RBPJ: variants seen among roughly 807,000 people sequenced by gnomAD.
RBPJ encodes the protein recombining binding protein suppressor of hairless.
A neutral mutation model predicts 67.8 loss-of-function variants in RBPJ; 9 were observed. The ratio of observed to expected loss-of-function variants is 0.13; its 90% CI spans 0.08 to 0.23. RBPJ has a LOEUF of 0.23. RBPJ is among the 10% of genes least tolerant of loss of function. The pLI is 1.00. For synonymous variants in RBPJ, 198 were observed against 203.3 expected (o/e 0.97, Z 0.22); for missense variants, 305 against 595.6 (o/e 0.51, Z 5.08).
intron 2 of RBPJ, among the ~76,000 whole-genome samples, chr4:26,404,564 A>G (rs973041140): frequency 6.6e-5 from 10 of 152,202 alleles, no homozygotes; most frequent in Non-Finnish European, 1.3e-4. Context: ...CCTGACTGCC[A>G]CTGTTCACTA....
chr4:26,415,632 G>A lies in RBPJ; in HGVS notation c.313G>A (p.Glu105Lys), dbSNP rs1387703313. The part of the protein sequence containing the change: ...SDQEMQQLNL[E>K]GKNYCTAKTL... The stretch of plus-strand genomic sequence containing the variant: ...CCAAGAAATGCAGCAGCTAAACTTG[G>A]AAGGAAAGGTAAATCAAGACTGCTA... The change falls in exon 4 of 11, where the codon GAA becomes AAA. Residue 105 changes from glutamate (E) to lysine (K), a missense_variant. This residue lies in a region of RBPJ where 79 missense variants were observed against 106.2 expected (regional missense o/e 0.74). Transcript: ENST00000355476. The A allele has an allele frequency of 6.2e-7, 1 of 1,608,486 alleles. No homozygotes were observed. The highest frequency in any genetic ancestry group is 8.5e-7 in the Non-Finnish European group (1 of 1,178,308).
At chr4:26,263,189 C>G (rs1181514439) in intron 1 of RBPJ, among the ~76,000 whole-genome samples, 1 of 152,160 alleles carries the variant, frequency 6.6e-6, no homozygotes, top group African/African-American at 2.4e-5. Context: ...AACTGCTCAT[C>G]TATTTGGTGT....
chr4:26,301,374 C>T (rs1363910438), intron 1 of RBPJ, among the ~76,000 whole-genome samples: 1 of 152,070 alleles, frequency 6.6e-6, no homozygotes, highest in Admixed American at 6.6e-5. Context: ...GGGCGGATCA[C>T]GAGGTCAGGA....
intron 2 of RBPJ, among the ~76,000 whole-genome samples, chr4:26,400,113 T>C (rs1277750930): frequency 6.6e-6 from 1 of 152,222 alleles, no homozygotes; most frequent in Non-Finnish European, 1.5e-5. Flanking sequence ...CAAGGATTCT[T>C]CAGCACCTGT....
At chr4:26,134,245 C>G in the RBPJ span, among the ~76,000 whole-genome samples, 1 of 152,166 alleles carries the variant, frequency 6.6e-6, no homozygotes, top group Non-Finnish European at 1.5e-5. Context: ...GGATACCAAA[C>G]GCCTTTTCAC....
At chr4:26,375,288 C>CAAAA (rs561305108) in intron 1 of RBPJ, among the ~76,000 whole-genome samples, 1 of 102,916 alleles carries the variant, frequency 9.7e-6, no homozygotes, top group South Asian at 3.2e-4. Context: ...GACCCTGTCT[C>CAAAA]AAAAAAAAAA....
At chr4:26,309,415 G>A (rs1353992817) in intron 1 of RBPJ, among the ~76,000 whole-genome samples, 1 of 152,170 alleles carries the variant, frequency 6.6e-6, no homozygotes, top group Non-Finnish European at 1.5e-5. Context: ...ACATGGGTAT[G>A]GGTAAAATAA....
chr4:26,305,794 T>TTTTTTTTTTTTTTTC (rs1722218683), intron 1 of RBPJ, among the ~76,000 whole-genome samples: 1 of 145,170 alleles, frequency 6.9e-6, no homozygotes, highest in Non-Finnish European at 1.5e-5. Context: ...TTTTTTTTTT[T>TTTTTTTTTTTTTTTC]CTGAGACTGA....
intron 1 of RBPJ, among the ~76,000 whole-genome samples, chr4:26,293,656 T>TA (rs1480487575): frequency 6.9e-6 from 1 of 145,692 alleles, no homozygotes; most frequent in Non-Finnish European, 1.5e-5. Flanking sequence ...AATAAAAAAA[T>TA]AAAAAGCACA....
At chr4:26,141,392 A>G in the RBPJ span, among the ~76,000 whole-genome samples, 1 of 152,186 alleles carries the variant, frequency 6.6e-6, no homozygotes. Flanking sequence ...AAGAAGCTCT[A>G]AGTGCAGGAC....
chr4:26,110,128 G>T, the RBPJ span, among the ~76,000 whole-genome samples: 1 of 152,072 alleles, frequency 6.6e-6, no homozygotes, highest in African/African-American at 2.4e-5. This position sits in a 1 kb window ranked among gnomAD's most constrained non-coding sequence, Gnocchi z 4.5. Flanking sequence ...TACCCCTACC[G>T]TAGGCAAGGG....
chr4:26,200,511 A>T (rs1012972479), intron 1 of RBPJ, among the ~76,000 whole-genome samples: 3 of 152,160 alleles, frequency 2.0e-5, no homozygotes, highest in Non-Finnish European at 4.4e-5. Flanking sequence ...TCTACAAAAA[A>T]TAAGAAGAAA....
chr4:26,328,824 A>AT (rs1311036915), intron 1 of RBPJ, among the ~76,000 whole-genome samples: 4 of 151,920 alleles, frequency 2.6e-5, no homozygotes, highest in East Asian at 1.9e-4. Flanking sequence ...AATTTAAAAC[A>AT]TTTTTTTTGT....
chr4:26,132,564 A>T, the RBPJ span, among the ~76,000 whole-genome samples: 1 of 151,972 alleles, frequency 6.6e-6, no homozygotes, highest in Admixed American at 6.5e-5. Context: ...AGCCACTGGG[A>T]CCACCTGCCC....
chr4:26,169,680 G>A (rs1716485328), intron 1 of RBPJ, among the ~76,000 whole-genome samples: 2 of 152,236 alleles, frequency 1.3e-5, no homozygotes, highest in African/African-American at 4.8e-5. Flanking sequence ...CCCAGAGGTG[G>A]AGCCTACAGA....
chr4:26,258,882 C>A (rs945774974), intron 1 of RBPJ, among the ~76,000 whole-genome samples: 11 of 152,092 alleles, frequency 7.2e-5, no homozygotes, highest in African/African-American at 2.4e-4. Context: ...TGGCTCACTG[C>A]AACCTCTGCC....
chr4:26,128,012 A>C, the RBPJ span, among the ~76,000 whole-genome samples: 2 of 152,090 alleles, frequency 1.3e-5, no homozygotes, highest in Non-Finnish European at 2.9e-5. Context: ...ATCCTGTTTG[A>C]CTTGTGTGCT....
intron 1 of RBPJ, among the ~76,000 whole-genome samples, chr4:26,339,660 CTG>C (rs1725289137): frequency 6.6e-6 from 1 of 151,466 alleles, no homozygotes; most frequent in Non-Finnish European, 1.5e-5. Flanking sequence ...AAAAAAACCT[CTG>C]TAACATACAG....
chr4:26,322,539 AT>A (rs1385784121), intron 1 of RBPJ, among the ~76,000 whole-genome samples: 5 of 152,028 alleles, frequency 3.3e-5, no homozygotes, highest in Non-Finnish European at 7.4e-5. Context: ...CTGTCCCATC[AT>A]TGGGGTTGAA....
Sources: gnomAD v4.1 joint callset for allele counts (sites outside exome capture counted in the v4.1 genomes callset) on GRCh38, gnomAD v4.1.1 for gene constraint, gnomAD v4.1.1 regional missense constraint, Gnocchi (gnomAD v3.1) non-coding constraint, MANE v1.5 for transcripts, NCBI Gene and HGNC (gene_info 2026-07-23, HGNC 2026-07-21) for gene names.